The following MMS22L variants were observed in gnomAD, a reference collection of about 807,000 sequenced individuals.
The protein encoded by MMS22L is protein MMS22-like.
In MMS22L, 74 loss-of-function variants were observed where a neutral mutation model predicts 159.1. The observed-to-expected ratio is 0.47, with a 90% CI of 0.39 to 0.56. The LOEUF (loss-of-function observed/expected upper bound fraction) is 0.56, where lower values mean the gene tolerates loss of function less well. Ranked by LOEUF, MMS22L falls within the 20% of genes least tolerant of loss-of-function variation. The pLI is 0.00. For missense variants in MMS22L, 1,351 were observed against 1,422.1 expected (o/e 0.95, Z 0.80); for synonymous variants, 517 against 506.9 (o/e 1.02, Z -0.27).
chr6:97,282,698 G>A (rs916745233), intron 1 of MMS22L, 145 bp from the exon 2 acceptor site: 2 of 500,668 alleles, frequency 4.0e-6, no homozygotes, highest in South Asian at 2.7e-5. Flanking sequence ...CATCAAGGCT[G>A]TCAGAACTTA....
At chr6:97,183,835 T>C (rs911920492) in intron 15 of MMS22L, among the ~76,000 whole-genome samples, 4 of 152,152 alleles carry the variant, frequency 2.6e-5, no homozygotes, top group Non-Finnish European at 4.4e-5. Context: ...CAATTTTCCT[T>C]CACTTTGGAG....
intron 14 of MMS22L, among the ~76,000 whole-genome samples, chr6:97,197,711 G>A (rs1806689730): frequency 6.6e-6 from 1 of 152,090 alleles, no homozygotes; most frequent in Admixed American, 6.6e-5. Context: ...TCAGGCCGGG[G>A]GGCAGTTAGG....
intron 6 of MMS22L, chr6:97,270,852 T>C (rs1240910069): frequency 6.6e-6 from 1 of 152,152 alleles, no homozygotes; most frequent in African/African-American, 2.4e-5. Flanking sequence ...AAACTAAAGT[T>C]AGACTTCTCA....
chr6:97,240,059 C>T (rs2128023741), intron 11 of MMS22L, among the ~76,000 whole-genome samples: 1 of 152,308 alleles, frequency 6.6e-6, no homozygotes, highest in Admixed American at 6.5e-5. Flanking sequence ...AGTCAAAGTA[C>T]ATGACCATGG....
intron 14 of MMS22L, among the ~76,000 whole-genome samples, chr6:97,198,520 A>G (rs1336132532): frequency 2.0e-5 from 3 of 152,164 alleles, no homozygotes; most frequent in African/African-American, 7.2e-5. Flanking sequence ...ATAGTATATT[A>G]TGCTCTAAAG....
intron 14 of MMS22L, among the ~76,000 whole-genome samples, chr6:97,216,923 C>T (rs975635658): frequency 1.8e-4 from 28 of 152,204 alleles, no homozygotes; most frequent in African/African-American, 6.8e-4. Context: ...ATTCCCTAAA[C>T]AACTGAATTG....
chr6:97,199,509 C>A (rs1806909700), intron 14 of MMS22L, among the ~76,000 whole-genome samples: 1 of 152,060 alleles, frequency 6.6e-6, no homozygotes, highest in African/African-American at 2.4e-5. Context: ...TGTATAATTA[C>A]AATAGCTAAT....
At chr6:97,263,278 G>T in intron 9 of MMS22L, 57 bp downstream of exon 9, 3 of 1,062,182 alleles carry the variant, frequency 2.8e-6, no homozygotes, top group South Asian at 1.5e-5. Context: ...AAAACCATTG[G>T]ATTAAATCAA....
chr6:97,192,870 G>C (rs1435986025), intron 14 of MMS22L, among the ~76,000 whole-genome samples: 1 of 152,114 alleles, frequency 6.6e-6, no homozygotes, highest in African/African-American at 2.4e-5. Flanking sequence ...TTATAGACAA[G>C]GAATCTCAGT....
rs907298005 is a variant in MMS22L, at chr6:97,147,689, A to G, written c.3651-802T>C. 3.3e-5 allele frequency among the ~76,000 whole-genome samples: 5 copies of G among 152,180 alleles called. No homozygotes were observed. The East Asian group carries it at 9.6e-4, about 29-fold the overall frequency. ...ATAAACACCATTTCTTCAAGCTACA[A>G]TTTGAAGTGATTCAATCTTCTCTCC... On this transcript the variant is annotated intron_variant, in intron 24 of 24. Coordinates refer to ENST00000683635, the MANE Select transcript of MMS22L (RefSeq NM_001350599.2).
chr6:97,215,769 A>G (rs1808944925), intron 14 of MMS22L, among the ~76,000 whole-genome samples: 1 of 152,232 alleles, frequency 6.6e-6, no homozygotes. Context: ...AAAAGTCCTG[A>G]ATTTTCATGA....
At chr6:97,224,945 T>C (rs1245394505) in intron 14 of MMS22L, among the ~76,000 whole-genome samples, 2 of 152,112 alleles carry the variant, frequency 1.3e-5, no homozygotes, top group Non-Finnish European at 2.9e-5. Flanking sequence ...AAAAATATAG[T>C]GTAAGAAGGC....
chr6:97,166,735 A>G (rs1465720339), intron 20 of MMS22L, among the ~76,000 whole-genome samples: 1 of 152,144 alleles, frequency 6.6e-6, no homozygotes, highest in Admixed American at 6.6e-5. Flanking sequence ...GCTTAAGAGA[A>G]TTCTTATTAA....
chr6:97,188,930 C>A (rs896475694), intron 14 of MMS22L, among the ~76,000 whole-genome samples: 10 of 151,498 alleles, frequency 6.6e-5, no homozygotes, highest in African/African-American at 2.2e-4. Flanking sequence ...CCACTGCACT[C>A]CAACTTGGGT....
intron 10 of MMS22L, chr6:97,254,037 A>G: frequency 6.6e-6 from 1 of 152,446 alleles, no homozygotes; most frequent in East Asian, 1.9e-4. Flanking sequence ...TCTAATGAGA[A>G]ATTAATATAC....
chr6:97,171,466 C>T (rs1310011840), intron 19 of MMS22L, among the ~76,000 whole-genome samples: 1 of 152,034 alleles, frequency 6.6e-6, no homozygotes, highest in East Asian at 1.9e-4. Context: ...GCCAAAGAGA[C>T]AGGGATGATT....
chr6:97,273,149 A>T, intron 4 of MMS22L, 87 bp from the exon 5 acceptor site: 1 of 989,750 alleles, frequency 1.0e-6, no homozygotes, highest in Non-Finnish European at 1.5e-6. Flanking sequence ...ACCGGCAGCA[A>T]TTCTCTATCT....
chr6:97,230,527 A>T (rs947691210), intron 13 of MMS22L: 1 of 152,118 alleles, frequency 6.6e-6, no homozygotes, highest in Non-Finnish European at 1.5e-5. Context: ...CTGTTTAATT[A>T]TCTTTGTATT....
rs540949928 is a variant in MMS22L, at chr6:97,187,647, T to C, written c.2040-957A>G. Among the ~76,000 whole-genome samples the C allele has an allele frequency of 1.1e-4, 17 of 152,228 alleles. No individual in the cohort carries two copies. In the East Asian group the frequency reaches 3.1e-3, roughly 28 times the overall value. ...AAATTATGGAGAAGACTTCCTTTAA[T>C]AGAGATAGCATTCCACTAAGAAAAA... On this transcript the variant is annotated intron_variant, in intron 14 of 24. Transcript: ENST00000683635.
Sources: allele counts gnomAD v4.1 joint callset (sites outside exome capture counted in the v4.1 genomes callset), GRCh38; gene constraint gnomAD v4.1.1; transcripts MANE v1.5; gene names NCBI Gene and HGNC (gene_info 2026-07-23, HGNC 2026-07-21).